The following USP37 variants were observed in gnomAD, a reference collection of about 807,000 sequenced individuals.
USP37 encodes the protein ubiquitin carboxyl-terminal hydrolase 37.
USP37 carries 27 observed loss-of-function variants against 124.0 expected under a neutral mutation model. That is an observed-to-expected ratio of 0.22 (90% CI 0.16 to 0.30). USP37 has a LOEUF of 0.30. Ranked by LOEUF, USP37 falls within the 10% of genes least tolerant of loss-of-function variation. The pLI is 1.00. For synonymous variants in USP37, 365 were observed against 388.0 expected, an observed-to-expected ratio of 0.94 and a Z score of 0.70; for missense variants, 889 against 1,140.4, an observed-to-expected ratio of 0.78 and a Z score of 3.17.
chr2:218,483,759 T>C (rs1008532031), intron 16 of USP37, among the ~76,000 whole-genome samples: 2 of 152,194 alleles, frequency 1.3e-5, no homozygotes, highest in African/African-American at 4.8e-5. Context: ...ATAATTTCCT[T>C]AGTGACAGCT....
In USP37 at chr2:218,498,051, T is replaced by G. The variant is rs1250634338; in HGVS notation, c.1132A>C (p.Lys378Gln). The change falls in exon 12 of 26, where the codon AAA (lysine) becomes CAA (glutamine). Residue 378 changes from lysine to glutamine, a missense_variant. This residue lies in a region of USP37 where 504 missense variants were observed against 714.3 expected (regional missense o/e 0.71). Coordinates refer to ENST00000258399, the MANE Select transcript of USP37 (RefSeq NM_020935.3). ...CTGATAAGTGCATTGAGTGGAATTTTCTTCCATGGGATACCTTGTTTAAGC... is the reference window on the plus strand; with the variant it reads ...CTGATAAGTGCATTGAGTGGAATTTGCTTCCATGGGATACCTTGTTTAAGC... The part of the protein sequence containing the change: ...DLLKQGIPWK[K>Q]IPLNALIRRF... 1 of 1,610,470 alleles carries G rather than the reference T, an allele frequency of 6.2e-7. No individual in the cohort carries two copies. The highest frequency in any genetic ancestry group is 2.2e-5 in the East Asian group (1 of 44,818).
chr2:218,503,266 T>C (rs1443061876), intron 11 of USP37, among the ~76,000 whole-genome samples: 1 of 152,202 alleles, frequency 6.6e-6, no homozygotes, highest in Non-Finnish European at 1.5e-5. Context: ...AAATACAAAA[T>C]ACATTTCTGT....
At chr2:218,472,083 C>T (rs1468712856) in intron 20 of USP37, among the ~76,000 whole-genome samples, 1 of 151,566 alleles carries the variant, frequency 6.6e-6, no homozygotes, top group African/African-American at 2.4e-5. Context: ...TAGATATCCT[C>T]TTTCTTTTGG....
At chr2:218,499,552 A>C (rs1303254513) in intron 11 of USP37, among the ~76,000 whole-genome samples, 1 of 152,234 alleles carries the variant, frequency 6.6e-6, no homozygotes, top group African/African-American at 2.4e-5. Context: ...AGTAAATGTA[A>C]CACTGATACA....
At chr2:218,482,284 T>TGA in intron 16 of USP37, 50 bp from the exon 17 acceptor site, 1 of 1,553,478 alleles carries the variant, frequency 6.4e-7, no homozygotes, top group Non-Finnish European at 8.7e-7. Context: ...AATACATGTA[T>TGA]CTTTCTTACA....
chr2:218,507,117 T>G (rs896773575), intron 11 of USP37, among the ~76,000 whole-genome samples: 9 of 151,836 alleles, frequency 5.9e-5, no homozygotes, highest in East Asian at 5.8e-4. Context: ...TACTTTTTCA[T>G]ATTTTCAAGT....
Position 218,452,833 on chromosome 2 carries a change from C to A in USP37, c.*2097G>T, listed in dbSNP as rs756815929. On this transcript the variant is annotated 3_prime_UTR_variant, in exon 26 of 26. Coordinates refer to ENST00000258399, the MANE Select transcript of USP37 (RefSeq NM_020935.3). Reference sequence around the variant, plus strand: ...ACAGTGCCTCTCAAATGCAAAGACACGTAAAAGAATTAATAACTAGCCAAA... The same window carrying A: ...ACAGTGCCTCTCAAATGCAAAGACAAGTAAAAGAATTAATAACTAGCCAAA... The A allele has an allele frequency of 6.6e-6, 1 of 152,066 alleles. No individual in the cohort carries two copies. Among genetic ancestry groups the A allele is most frequent in the Non-Finnish European group, 1.5e-5 (1 of 68,012 alleles). 9.4% of individuals were successfully genotyped at this position (152,066 alleles called of 1,614,324 possible).
intron 10 of USP37, among the ~76,000 whole-genome samples, chr2:218,524,999 T>G (rs1690876767): frequency 6.6e-6 from 1 of 152,240 alleles, no homozygotes; most frequent in Non-Finnish European, 1.5e-5. Flanking sequence ...TCTTCTTTAC[T>G]GTATACACCC....
chr2:218,460,953 TA>T (rs779273538), intron 22 of USP37, among the ~76,000 whole-genome samples: 5 of 147,364 alleles, frequency 3.4e-5, no homozygotes, highest in African/African-American at 7.5e-5. Flanking sequence ...AAAATAAAAA[TA>T]AAAAAAAAAT....
intron 20 of USP37, among the ~76,000 whole-genome samples, chr2:218,466,883 G>A (rs570720716): frequency 5.3e-5 from 8 of 151,866 alleles, no homozygotes; most frequent in Non-Finnish European, 1.0e-4. Context: ...ACAGGTGCAC[G>A]CCATCACACC....
intron 3 of USP37, among the ~76,000 whole-genome samples, chr2:218,560,232 C>T (rs1693239383): frequency 6.6e-6 from 1 of 152,082 alleles, no homozygotes; most frequent in Admixed American, 6.5e-5. Context: ...TTATAATTTA[C>T]TAAATTAAAC....
rs1465047823 is a variant in USP37 at position 218,528,742 on chromosome 2, T to C, written c.863+1214A>G. Reference sequence around the variant, plus strand: ...ATCAACCCTTCTGTGCTGCACTGCATGATCACATGTTCTCAACAAGTGCTT... The same window carrying C: ...ATCAACCCTTCTGTGCTGCACTGCACGATCACATGTTCTCAACAAGTGCTT... On this transcript the variant is annotated intron_variant, in intron 10 of 25. Transcript: ENST00000258399. 3 of 414,722 alleles carry C rather than the reference T, an allele frequency of 7.2e-6. No homozygotes were observed. The East Asian group carries it at 1.2e-4, about 17-fold the overall frequency. 25.7% of individuals were successfully genotyped at this position (414,722 alleles called of 1,614,324 possible). A position where few individuals can be genotyped will look rare whatever the true frequency, so the allele number is the denominator to read the frequency against.
intron 13 of USP37, among the ~76,000 whole-genome samples, chr2:218,496,488 T>C (rs556514740): frequency 8.1e-4 from 124 of 152,324 alleles, no homozygotes; most frequent in African/African-American, 2.8e-3. Flanking sequence ...ATATTCTTAA[T>C]AATTATATCA....
intron 16 of USP37, among the ~76,000 whole-genome samples, chr2:218,485,104 T>C (rs1251082616): frequency 6.6e-6 from 1 of 152,168 alleles, no homozygotes; most frequent in Admixed American, 6.6e-5. Context: ...AGGTTTTTAC[T>C]GAAAGTATGG....
At chr2:218,500,091 T>C (rs530459723) in intron 11 of USP37, among the ~76,000 whole-genome samples, 1 of 151,802 alleles carries the variant, frequency 6.6e-6, no homozygotes, top group African/African-American at 2.4e-5. Flanking sequence ...TTTTTCTTTT[T>C]TTAGACAGAG....
chr2:218,488,630 CT>C (rs1051130332), intron 14 of USP37, among the ~76,000 whole-genome samples: 9 of 152,050 alleles, frequency 5.9e-5, no homozygotes, highest in African/African-American at 1.9e-4. Context: ...TATTTAAGTA[CT>C]TTACTTAAAT....
intron 10 of USP37, among the ~76,000 whole-genome samples, chr2:218,523,215 A>G (rs1690766792): frequency 6.6e-6 from 1 of 152,008 alleles, no homozygotes; most frequent in South Asian, 2.1e-4. Flanking sequence ...GTGAGCCAGG[A>G]TTGTGCCACT....
intron 14 of USP37, among the ~76,000 whole-genome samples, chr2:218,493,803 A>C (rs1688925916): frequency 6.6e-6 from 1 of 152,096 alleles, no homozygotes; most frequent in South Asian, 2.1e-4. Flanking sequence ...GGTTGCCTGA[A>C]TGATCCCACT....
chr2:218,460,091 C>CAAAAAAAAAA (rs55945023), intron 22 of USP37, among the ~76,000 whole-genome samples, 186 bp from the exon 23 acceptor site: 4 of 117,982 alleles, frequency 3.4e-5, no homozygotes, highest in Non-Finnish European at 5.0e-5. Context: ...ACTAAAAATA[C>CAAAAAAAAAA]AAAAAAAAAA....
Sources: gnomAD v4.1 joint callset for allele counts (sites outside exome capture counted in the v4.1 genomes callset) on GRCh38, gnomAD v4.1.1 for gene constraint, gnomAD v4.1.1 regional missense constraint, MANE v1.5 for transcripts, NCBI Gene and HGNC (gene_info 2026-07-23, HGNC 2026-07-21) for gene names.